Variants in KIF11 observed in about 807,000 individuals in gnomAD.
KIF11 encodes kinesin-like protein KIF11.
KIF11 carries 9 observed loss-of-function variants against 121.0 expected under a neutral mutation model. The observed-to-expected ratio is 0.07, with a 90% CI of 0.04 to 0.13. The LOEUF (loss-of-function observed/expected upper bound fraction) is 0.13, where lower values mean the gene tolerates loss of function less well. Among genes scored for constraint, KIF11 ranks in the 10% least tolerant of loss-of-function variants. The pLI is 1.00. For missense variants in KIF11, 846 were observed against 1,217.5 expected (o/e 0.69, Z 4.54); for synonymous variants, 408 against 421.0 (o/e 0.97, Z 0.38).
chr10:92,619,654 T>C (rs1179533145), intron 9 of KIF11, among the ~76,000 whole-genome samples: 1 of 152,082 alleles, frequency 6.6e-6, no homozygotes, highest in Non-Finnish European at 1.5e-5. Context: ...TGGTGTAACT[T>C]TTTTATTTTA....
rs540367949 is a variant in KIF11, at chr10:92,640,672, C to T, written c.2267+772C>T. Among the ~76,000 whole-genome samples, 8 of 152,190 alleles carry T rather than the reference C, an allele frequency of 5.3e-5. No individual in the cohort carries two copies. The South Asian group carries it at 6.2e-4, about 12-fold the overall frequency. On this transcript the variant is annotated intron_variant, in intron 17 of 21. Coordinates refer to ENST00000260731, the MANE Select transcript of KIF11 (RefSeq NM_004523.4). Reference sequence around the variant, plus strand: ...GTCTCGATCTCCTGACCTCGTGATCCGCCCGCCTCGGCCTCCCAAAGTGCT... The same window carrying T: ...GTCTCGATCTCCTGACCTCGTGATCTGCCCGCCTCGGCCTCCCAAAGTGCT...
intron 17 of KIF11, among the ~76,000 whole-genome samples, chr10:92,643,889 T>G (rs1844893187): frequency 6.6e-6 from 1 of 152,218 alleles, no homozygotes; most frequent in South Asian, 2.1e-4. Context: ...CATTTATATA[T>G]CCCTACCTAA....
intron 12 of KIF11, among the ~76,000 whole-genome samples, chr10:92,630,863 G>GT (rs1844729900): frequency 1.7e-5 from 1 of 59,822 alleles, no homozygotes; most frequent in Admixed American, 2.2e-4. Flanking sequence ...GCGAAACTCC[G>GT]TCTCAAAAAA....
chr10:92,644,256 T>C (rs1028561837), intron 17 of KIF11, among the ~76,000 whole-genome samples: 11 of 152,208 alleles, frequency 7.2e-5, no homozygotes, highest in Non-Finnish European at 1.5e-4. Flanking sequence ...TTGGCATTTA[T>C]TGTCATGGCT....
In KIF11 at chr10:92,650,466, T is replaced by A. The variant is rs746300238; in HGVS notation, c.2988T>A (p.Ser996=). The change falls in exon 21 of 22, where the codon TCT becomes TCA. Residue 996 remains serine, a synonymous_variant. Coordinates refer to ENST00000260731, the MANE Select transcript of KIF11 (RefSeq NM_004523.4). ...YTEEPLSQEP[S]VDAGVDCSSI... ...AAGAACCTCTAAGTCAAGAGCCATC[T>A]GTAGATGCTGGTGTGGATTGTTCAT... The A allele has an allele frequency of 6.2e-7, 1 of 1,613,844 alleles. No individual in the cohort carries two copies. The highest frequency in any genetic ancestry group is 1.1e-5 in the South Asian group (1 of 91,078).
intron 1 of KIF11, among the ~76,000 whole-genome samples, chr10:92,603,329 A>G (rs2135898972): frequency 7.6e-6 from 1 of 130,856 alleles, no homozygotes; most frequent in Admixed American, 8.9e-5. Flanking sequence ...GCAGTGGCGC[A>G]TTCTTGGCTC....
chr10:92,632,823 G>A, intron 13 of KIF11, 130 bp downstream of exon 13: 2 of 488,404 alleles, frequency 4.1e-6, no homozygotes, highest in Non-Finnish European at 7.1e-6. Flanking sequence ...ATTTGTTCAG[G>A]GTGAAGATTA....
intron 21 of KIF11, among the ~76,000 whole-genome samples, chr10:92,651,524 T>C (rs1366485795): frequency 6.2e-5 from 5 of 80,464 alleles, no homozygotes; most frequent in Non-Finnish European, 1.1e-4. Flanking sequence ...TTTTTTTTTT[T>C]TTTTTTTTTT....
chr10:92,653,309 C>G (rs561786076), intron 21 of KIF11, among the ~76,000 whole-genome samples: 1 of 152,296 alleles, frequency 6.6e-6, no homozygotes, highest in South Asian at 2.1e-4. Flanking sequence ...AAGCCAGTAG[C>G]ACTCCCTGAT....
chr10:92,601,344 G>A (rs1307712797), intron 1 of KIF11, among the ~76,000 whole-genome samples: 3 of 151,740 alleles, frequency 2.0e-5, no homozygotes, highest in African/African-American at 7.3e-5. Flanking sequence ...TGTACTACAG[G>A]CATGTGCCAC....
intron 18 of KIF11, among the ~76,000 whole-genome samples, chr10:92,646,531 GA>G (rs1391116652): frequency 6.6e-6 from 1 of 152,100 alleles, no homozygotes; most frequent in African/African-American, 2.4e-5. Flanking sequence ...GCTAATTTCA[GA>G]TTTGTGATAG....
intron 18 of KIF11, among the ~76,000 whole-genome samples, chr10:92,647,601 G>A (rs1844933926): frequency 2.0e-5 from 3 of 152,090 alleles, no homozygotes; most frequent in African/African-American, 7.2e-5. Context: ...ATGTGATAGT[G>A]GTCTTAAAGT....
chr10:92,593,297 C>T lies in KIF11; in HGVS notation c.-79C>T. 4.1e-6 allele frequency: 6 copies of T among 1,451,264 alleles called. No homozygotes were observed. Among genetic ancestry groups the T allele is most frequent in the South Asian group, 2.5e-5 (2 of 79,554 alleles). The allele number at this position is 1,451,264 out of a possible 1,614,324, so 89.9% of individuals were successfully genotyped here. A position where few individuals can be genotyped will look rare whatever the true frequency, so the allele number is the denominator to read the frequency against. On this transcript the variant is annotated 5_prime_UTR_variant, in exon 1 of 22. Transcript: ENST00000260731. ...GAGAGGGACCAGGGAGACTCCGGCC[C>T]CTGTCGGCCGCCAAGCCCCTCCGCC...
intron 1 of KIF11, among the ~76,000 whole-genome samples, chr10:92,598,903 G>T (rs1345919754): frequency 1.3e-5 from 2 of 152,010 alleles, no homozygotes; most frequent in African/African-American, 4.8e-5. Context: ...TCAGCCTCCT[G>T]AGTAGCTGGG....
At chr10:92,608,030 G>A (rs968678265) in intron 4 of KIF11, among the ~76,000 whole-genome samples, 3 of 147,598 alleles carry the variant, frequency 2.0e-5, no homozygotes, top group African/African-American at 7.6e-5. Context: ...TGGTGCATAC[G>A]TGTAATCCCA....
At chr10:92,652,465 A>G (rs778483269) in intron 21 of KIF11, among the ~76,000 whole-genome samples, 5 of 152,114 alleles carry the variant, frequency 3.3e-5, no homozygotes, top group Non-Finnish European at 7.4e-5. Flanking sequence ...ATAGATCTAC[A>G]GCTCCTTCCC....
At chr10:92,651,146 C>T (rs1166681164) in intron 21 of KIF11, among the ~76,000 whole-genome samples, 1 of 152,060 alleles carries the variant, frequency 6.6e-6, no homozygotes, top group Admixed American at 6.5e-5. Context: ...CTGACTCAGC[C>T]TCCCGGGTAG....
rs1250963019 is a variant in KIF11, at chr10:92,593,486, CG to C, written c.77+36del. 1.9e-6 allele frequency: 3 copies of C among 1,579,606 alleles called. No individual in the cohort carries two copies. In the African/African-American group the frequency reaches 4.0e-5, roughly 21 times the overall value. ...AGGGCTGACAGGATTCCGAGCGCTG[CG>C]GCTTCGCTGCTGGGCCCCCTACTGC... On this transcript the variant is annotated intron_variant, in intron 1 of 21. Transcript: ENST00000260731.
intron 17 of KIF11, among the ~76,000 whole-genome samples, chr10:92,644,572 G>T (rs1387425809): frequency 6.6e-6 from 1 of 151,966 alleles, no homozygotes; most frequent in Non-Finnish European, 1.5e-5. Flanking sequence ...ACCTGCCTCG[G>T]CCTCCCAAAG....
Sources: gnomAD v4.1 joint callset for allele counts (sites outside exome capture counted in the v4.1 genomes callset) on GRCh38, gnomAD v4.1.1 for gene constraint, MANE v1.5 for transcripts, NCBI Gene and HGNC (gene_info 2026-07-23, HGNC 2026-07-21) for gene names.